Variants in INTS7 observed in about 807,000 individuals in gnomAD.
INTS7 encodes the protein integrator complex subunit 7.
In INTS7, 46 loss-of-function variants were observed where a neutral mutation model predicts 109.2. That is an observed-to-expected ratio of 0.42 (90% CI 0.33 to 0.54). The LOEUF is 0.54. Among genes scored for constraint, INTS7 ranks in the 20% least tolerant of loss-of-function variants. The pLI is 0.07. For synonymous variants in INTS7, 412 were observed against 402.9 expected, an observed-to-expected ratio of 1.02 and a Z score of -0.27; for missense variants, 929 against 1,132.4, an observed-to-expected ratio of 0.82 and a Z score of 2.58.
At chr1:211,963,102 A>G (rs1244886993) in intron 16 of INTS7, among the ~76,000 whole-genome samples, 3 of 152,182 alleles carry the variant, frequency 2.0e-5, no homozygotes, top group African/African-American at 7.2e-5. Context: ...AAAAATTAGT[A>G]TCTATTTGAT....
intron 15 of INTS7, among the ~76,000 whole-genome samples, chr1:211,967,621 A>G (rs1041110314): frequency 3.3e-5 from 5 of 152,152 alleles, no homozygotes; most frequent in Admixed American, 2.6e-4. Flanking sequence ...ACAGGTAAGC[A>G]ACACTGGCTT....
At chr1:212,011,527 C>A in intron 4 of INTS7, 106 bp from the exon 5 acceptor site, 1 of 707,330 alleles carries the variant, frequency 1.4e-6, no homozygotes, top group Non-Finnish European at 2.4e-6. Context: ...TACAATATTC[C>A]AAACTGCAAC....
At chr1:211,963,369 A>G (rs539363543) in intron 16 of INTS7, among the ~76,000 whole-genome samples, 1 of 152,222 alleles carries the variant, frequency 6.6e-6, no homozygotes, top group East Asian at 1.9e-4. Context: ...CCAAAAAAAA[A>G]GCCCAGGACA....
intron 7 of INTS7, among the ~76,000 whole-genome samples, chr1:211,999,233 A>G (rs980533030): frequency 6.6e-6 from 1 of 152,228 alleles, no homozygotes; most frequent in African/African-American, 2.4e-5. Context: ...CCATCAACTT[A>G]TGAACAGACA....
At chr1:212,025,146 G>A (rs945776514) in intron 1 of INTS7, among the ~76,000 whole-genome samples, 13 of 152,156 alleles carry the variant, frequency 8.5e-5, no homozygotes, top group South Asian at 6.2e-4. Flanking sequence ...AATAAACTGC[G>A]TGATTTGTGA....
In INTS7 at chr1:212,007,232, A is replaced by G. The variant is rs1490244794; in HGVS notation, c.756+18T>C. On this transcript the variant is annotated intron_variant, in intron 6 of 19. Transcript: ENST00000366994. The stretch of plus-strand genomic sequence containing the variant: ...TAAGTTTACCAAAGATAGGCAGTTT[A>G]AAGAAAATTGAAATTACCTGCTTAG... The G allele has an allele frequency of 1.3e-6, 2 of 1,574,874 alleles. No individual in the cohort carries two copies. The highest frequency in any genetic ancestry group is 1.7e-6 in the Non-Finnish European group (2 of 1,145,646).
At chr1:212,026,242 T>C (rs1020992768) in intron 1 of INTS7, among the ~76,000 whole-genome samples, 1 of 152,166 alleles carries the variant, frequency 6.6e-6, no homozygotes, top group African/African-American at 2.4e-5. Context: ...GCATAGGTAA[T>C]TTCTATCATT....
intron 13 of INTS7, among the ~76,000 whole-genome samples, chr1:211,973,991 T>C (rs1664290380): frequency 6.6e-6 from 1 of 152,148 alleles, no homozygotes. Flanking sequence ...CCTTAATTAT[T>C]GTCAAGCCTC....
intron 11 of INTS7, 127 bp downstream of exon 11, chr1:211,978,145 G>C: frequency 9.2e-7 from 1 of 1,084,292 alleles, no homozygotes; most frequent in Non-Finnish European, 1.4e-6. Flanking sequence ...TTTGGTCTTA[G>C]GTAATGAATT....
At chr1:212,030,033 C>A (rs1558062486) in intron 1 of INTS7, among the ~76,000 whole-genome samples, 2 of 152,144 alleles carry the variant, frequency 1.3e-5, no homozygotes, top group Non-Finnish European at 1.5e-5. Context: ...CCAGTATGCA[C>A]ATGAGAATAC....
chr1:211,952,371 A>C, intron 17 of INTS7, 198 bp downstream of exon 17: 5 of 439,006 alleles, frequency 1.1e-5, no homozygotes, highest in Non-Finnish European at 7.9e-6. Context: ...CGTAGCAGCT[A>C]GAGATGTGCT....
At chr1:212,035,222 C>G (rs1248786875) in intron 1 of INTS7, 122 bp downstream of exon 1, 4 of 702,956 alleles carry the variant, frequency 5.7e-6, no homozygotes, top group African/African-American at 1.8e-5. Flanking sequence ...AAAGCACAGG[C>G]GCTCCCCGCC....
At position 211,950,406 on chromosome 1, in the gene INTS7, G is replaced by C. The variant is rs529999103; in HGVS notation, c.2316+2163C>G. Among the ~76,000 whole-genome samples the C allele has an allele frequency of 1.4e-4, 22 of 152,242 alleles. No homozygotes were observed. The East Asian group carries it at 3.5e-3, about 24-fold the overall frequency. Reference sequence around the variant, plus strand: ...CCTGCCTCAGCCTCCCAAGTAGCTGGGATTACAGGTGCTTGACATCATGCC... The same window carrying C: ...CCTGCCTCAGCCTCCCAAGTAGCTGCGATTACAGGTGCTTGACATCATGCC... On this transcript the variant is annotated intron_variant, in intron 17 of 19. Coordinates refer to ENST00000366994, the MANE Select transcript of INTS7 (RefSeq NM_015434.4).
intron 7 of INTS7, among the ~76,000 whole-genome samples, chr1:211,993,029 G>A (rs898470468): frequency 5.3e-5 from 8 of 152,246 alleles, no homozygotes; most frequent in African/African-American, 1.9e-4. Context: ...CCTAAATAGG[G>A]GCTTCTCCTA....
intron 1 of INTS7, among the ~76,000 whole-genome samples, chr1:212,026,842 G>C (rs1268614045): frequency 6.6e-6 from 1 of 152,200 alleles, no homozygotes; most frequent in African/African-American, 2.4e-5. Flanking sequence ...GTAGGAAACA[G>C]CCTATGTACA....
At chr1:212,032,628 C>G (rs1013628477) in intron 1 of INTS7, among the ~76,000 whole-genome samples, 1 of 152,082 alleles carries the variant, frequency 6.6e-6, no homozygotes, top group African/African-American at 2.4e-5. Flanking sequence ...AGGTGCCCAC[C>G]ACCACGCCTG....
chr1:211,954,260 A>T (rs1663253034), intron 16 of INTS7, among the ~76,000 whole-genome samples: 1 of 151,950 alleles, frequency 6.6e-6, no homozygotes, highest in Non-Finnish European at 1.5e-5. Context: ...TTTTTCTTGT[A>T]AATTTGTTGG....
intron 7 of INTS7, among the ~76,000 whole-genome samples, chr1:212,004,767 T>A (rs913835218): frequency 9.9e-5 from 15 of 152,200 alleles, no homozygotes; most frequent in Non-Finnish European, 2.2e-4. Flanking sequence ...AATAGCCATG[T>A]CATAAGAGAA....
Position 212,034,681 on chromosome 1 carries a change from G to A in INTS7, c.94+663C>T, listed in dbSNP as rs1007520960. ...CCATTAAGTCACTTAATACAATTCT[G>A]CCGGCTCAATGGTACTGTACCCACT... is the stretch of plus-strand genomic sequence containing the variant. On this transcript the variant is annotated intron_variant, in intron 1 of 19. Coordinates refer to ENST00000366994, the MANE Select transcript of INTS7 (RefSeq NM_015434.4). 6.6e-5 allele frequency among the ~76,000 whole-genome samples: 10 copies of A among 152,204 alleles called. No homozygotes were observed. The South Asian group carries it at 2.1e-3, about 32-fold the overall frequency.
Sources: allele counts gnomAD v4.1 joint callset (sites outside exome capture counted in the v4.1 genomes callset), GRCh38; gene constraint gnomAD v4.1.1; transcripts MANE v1.5; gene names NCBI Gene and HGNC (gene_info 2026-07-23, HGNC 2026-07-21).